Variants in BRD4 observed in about 807,000 individuals in gnomAD.
BRD4 encodes the protein bromodomain containing 4.
In BRD4, 16 loss-of-function variants were observed where a neutral mutation model predicts 142.1. The ratio of observed to expected loss-of-function variants is 0.11; its 90% confidence interval spans 0.08 to 0.17. The LOEUF (loss-of-function observed/expected upper bound fraction) is 0.17, where lower values mean the gene tolerates loss of function less well. Ranked by LOEUF, BRD4 falls within the 10% of genes least tolerant of loss-of-function variation. The pLI is 1.00. For synonymous variants in BRD4, 833 were observed against 707.5 expected (o/e 1.18, Z -2.82); for missense variants, 1,424 against 1,810.9 (o/e 0.79, Z 3.88).
At chr19:15,299,705 T>C (rs1368639320) in intron 1 of BRD4, among the ~76,000 whole-genome samples, 2 of 152,224 alleles carry the variant, frequency 1.3e-5, no homozygotes, top group Non-Finnish European at 2.9e-5. Context: ...TTCCTTGGTA[T>C]GACGTTCTGT....
At chr19:15,247,654 A>G (rs895799050) in intron 11 of BRD4, 1 of 232,848 alleles carries the variant, frequency 4.3e-6, no homozygotes, top group African/African-American at 2.2e-5. Context: ...TCTTCCCAGA[A>G]AGACAATGCC....
At chr19:15,308,201 A>T (rs1411329424) in intron 1 of BRD4, among the ~76,000 whole-genome samples, 3 of 126,380 alleles carry the variant, frequency 2.4e-5, no homozygotes, top group Non-Finnish European at 3.3e-5. Flanking sequence ...AAAGGGGGCA[A>T]GTCAAAACTC....
At chr19:15,305,023 CT>C (rs34235278) in intron 1 of BRD4, among the ~76,000 whole-genome samples, 21,744 of 126,288 alleles carry the variant, frequency 0.17, 1,239 homozygotes, top group African/African-American at 0.27. Flanking sequence ...TTAAGACCAT[CT>C]TTTTTTTTTT....
At chr19:15,328,333 T>C (rs1054994758) in intron 1 of BRD4, among the ~76,000 whole-genome samples, 2 of 152,148 alleles carry the variant, frequency 1.3e-5, no homozygotes, top group African/African-American at 2.4e-5. Flanking sequence ...CATTAAGAAA[T>C]GCTACCCATA....
chr19:15,243,327 C>T lies in BRD4; in HGVS notation c.2742G>A (p.Glu914=). The change falls in exon 14 of 20, where the codon GAG becomes GAA. Residue 914 remains glutamate, a synonymous_variant. Transcript: ENST00000679869. ...GGGGTGGGGCAGGTGGCTCTTCATC[C>T]TCCAGCAGCACTTGGGGGGGTTGGG... ...PMAQPPQVLL[E]DEEPPAPPLT... The T allele has an allele frequency of 6.9e-7, 1 of 1,447,306 alleles. No homozygotes were observed. The highest frequency in any genetic ancestry group is 1.5e-5 in the South Asian group (1 of 68,558). The allele number at this position is 1,447,306 out of a possible 1,614,324, so 89.7% of individuals were successfully genotyped here.
At chr19:15,277,150 C>T (rs967678056) in intron 1 of BRD4, among the ~76,000 whole-genome samples, 3 of 152,170 alleles carry the variant, frequency 2.0e-5, no homozygotes, top group East Asian at 1.9e-4. Context: ...CCATTCACCA[C>T]GTTAAGAGTT....
At chr19:15,327,264 C>T (rs1408936632) in intron 1 of BRD4, among the ~76,000 whole-genome samples, 7 of 152,128 alleles carry the variant, frequency 4.6e-5, no homozygotes, top group Admixed American at 2.6e-4. Flanking sequence ...AAAGGCCAGG[C>T]GCGGTGGCTC....
rs200705352 is a variant in BRD4, at chr19:15,287,240, CT to C, written c.-34-14108del. Among the ~76,000 whole-genome samples, 262 of 144,976 alleles carry C rather than the reference CT, an allele frequency of 1.8e-3. 1 individual carries two copies. The highest frequency in any genetic ancestry group is 3.6e-3 in the East Asian group (18 of 4,998). On this transcript the variant is annotated intron_variant, in intron 1 of 19. Coordinates refer to ENST00000679869, the MANE Select transcript of BRD4 (RefSeq NM_001379291.1). Reference sequence around the variant, plus strand: ...GGTTTTAGAGGACAGTGCCTTTATTCTTTTTTTTTTTAAGACACAGTAAAAA... The same window carrying C: ...GGTTTTAGAGGACAGTGCCTTTATTCTTTTTTTTTTAAGACACAGTAAAAA...
intron 1 of BRD4, among the ~76,000 whole-genome samples, chr19:15,302,031 G>A (rs1157100890): frequency 2.0e-5 from 3 of 151,996 alleles, no homozygotes; most frequent in African/African-American, 7.3e-5. Flanking sequence ...GCTGGACATG[G>A]TGGCGCAGGC....
chr19:15,332,421 GCACCGCCGGCAGCCGCCGCAGCCGCTGC>G lies in BRD4; in HGVS notation c.-194_-167del, dbSNP rs2048170443. Reference sequence around the variant, plus strand: ...GCTCACAGGCCGCGCTCGCCCGCGGGCACCGCCGGCAGCCGCCGCAGCCGCTGCCGCCGCCACTGCTTCGGCTCCTCGG... The same window carrying G: ...GCTCACAGGCCGCGCTCGCCCGCGGGCGCCGCCACTGCTTCGGCTCCTCGG... On this transcript the variant is annotated 5_prime_UTR_variant, in exon 1 of 20. Transcript: ENST00000679869. 6.8e-6 allele frequency: 1 copy of G among 146,450 alleles called. No individual in the cohort carries two copies. Among genetic ancestry groups the G allele is most frequent in the South Asian group, 1.8e-4 (1 of 5,602 alleles). The allele number at this position is 146,450 out of a possible 1,614,324, so 9.1% of individuals were successfully genotyped here.
chr19:15,242,417 G>T (rs1460503489), intron 14 of BRD4, among the ~76,000 whole-genome samples: 1 of 152,178 alleles, frequency 6.6e-6, no homozygotes, highest in Non-Finnish European at 1.5e-5. Context: ...CTGGTAACAG[G>T]CGATGAGGAC....
At chr19:15,265,019 C>G (rs1206253019) in intron 5 of BRD4, among the ~76,000 whole-genome samples, 1 of 152,232 alleles carries the variant, frequency 6.6e-6, no homozygotes, top group African/African-American at 2.4e-5. Context: ...GCCAAGGGAC[C>G]TCTGGAGGCT....
At chr19:15,269,105 T>C in intron 2 of BRD4, 63 bp from the exon 3 acceptor site, 1 of 1,587,600 alleles carries the variant, frequency 6.3e-7, no homozygotes, top group Non-Finnish European at 8.6e-7. Flanking sequence ...AACGCTGGGC[T>C]GGCCAGGCTG....
At chr19:15,264,110 C>A in intron 6 of BRD4, 2 of 366,358 alleles carry the variant, frequency 5.5e-6, no homozygotes, top group East Asian at 9.3e-5. Flanking sequence ...ACTGTGTGGG[C>A]AAGGTACCTG....
intron 1 of BRD4, among the ~76,000 whole-genome samples, chr19:15,310,595 G>A (rs11668198): frequency 0.17 from 25,227 of 151,686 alleles, 2,186 homozygotes; most frequent in Middle Eastern, 0.19. Flanking sequence ...TCCTGACCTC[G>A]TGATCCGCCC....
Position 15,243,316 on chromosome 19 carries a change from G to GAGGGGGCA in BRD4, c.2752_2753insTGCCCCCT (p.Pro918LeufsTer34). 1 of 1,374,286 alleles carries GAGGGGGCA rather than the reference G, an allele frequency of 7.3e-7. No individual in the cohort carries two copies. The highest frequency in any genetic ancestry group is 3.3e-5 in the East Asian group (1 of 30,746). The allele number at this position is 1,374,286 out of a possible 1,614,324, so 85.1% of individuals were successfully genotyped here. On this transcript the variant is annotated frameshift_variant, in exon 14 of 20. Coordinates refer to ENST00000679869, the MANE Select transcript of BRD4 (RefSeq NM_001379291.1). LOFTEE classifies it high-confidence loss of function. The stretch of plus-strand genomic sequence containing the variant: ...CATGGAGGTGAGGGGTGGGGCAGGT[G>GAGGGGGCA]GCTCTTCATCCTCCAGCAGCACTTG...
chr19:15,256,848 T>G, intron 8 of BRD4, 116 bp downstream of exon 8: 1 of 912,900 alleles, frequency 1.1e-6, no homozygotes, highest in Non-Finnish European at 1.6e-6. Flanking sequence ...GGTGGTCCAG[T>G]GGGAATTATG....
Position 15,237,241 on chromosome 19 carries a change from TG to T in BRD4, c.*1135del. On this transcript the variant is annotated 3_prime_UTR_variant, in exon 20 of 20. Coordinates refer to ENST00000679869, the MANE Select transcript of BRD4 (RefSeq NM_001379291.1). ...ATTAAAAAACAAAAAAGCCAACAAA[TG>T]GGTGGGGGGGGGGGGGGTGGAGGGG... The T allele has an allele frequency of 1.1e-4, 1 of 9,012 alleles. No homozygotes were observed. The highest frequency in any genetic ancestry group is 2.0e-4 in the Non-Finnish European group (1 of 4,892). The allele number at this position is 9,012 out of a possible 1,614,324, so 0.6% of individuals were successfully genotyped here.
At position 15,243,180 on chromosome 19, in the gene BRD4, G is replaced by C; in HGVS notation, c.2889C>G (p.His963Gln). 9.3e-7 allele frequency: 1 copy of C among 1,076,456 alleles called. No individual in the cohort carries two copies. 66.7% of individuals were successfully genotyped at this position (1,076,456 alleles called of 1,614,324 possible). A position where few individuals can be genotyped will look rare whatever the true frequency, so the allele number is the denominator to read the frequency against. ...QPPPPLPPPPHPSVQQQLQQQ... is the reference protein window; with the variant it reads ...QPPPPLPPPPQPSVQQQLQQQ... The stretch of plus-strand genomic sequence containing the variant: ...GCTGCAGCTGCTGCTGCACAGAGGG[G>C]TGGGGTGGGGGCGGCAGGGGGGGTG... The change falls in exon 14 of 20, where the codon CAC (histidine) becomes CAG (glutamine). Residue 963 changes from histidine to glutamine, a missense_variant. This residue lies in a region of BRD4 where 598 missense variants were observed against 647.8 expected (regional missense o/e 0.92). Transcript: ENST00000679869.
Sources: gnomAD v4.1 joint callset for allele counts (sites outside exome capture counted in the v4.1 genomes callset) on GRCh38, gnomAD v4.1.1 for gene constraint, gnomAD v4.1.1 regional missense constraint, MANE v1.5 for transcripts, NCBI Gene and HGNC (gene_info 2026-07-23, HGNC 2026-07-21) for gene names.